CHFR: variants seen among roughly 807,000 people sequenced by gnomAD.
CHFR encodes the protein E3 ubiquitin-protein ligase CHFR.
Under a neutral mutation model 87.6 loss-of-function variants are expected in CHFR, and 57 were observed. The ratio of observed to expected loss-of-function variants is 0.65; its 90% CI spans 0.53 to 0.81. The LOEUF (loss-of-function observed/expected upper bound fraction) is 0.81. CHFR is among the 30% of genes least tolerant of loss of function. The pLI is 0.00. For missense variants in CHFR, 797 were observed against 865.8 expected (o/e 0.92, Z 1.00); for synonymous variants, 381 against 359.2 (o/e 1.06, Z -0.69).
chr12:132,857,838 CTT>C lies in CHFR; in HGVS notation c.912-281_912-280del, dbSNP rs1384634686. Among the ~76,000 whole-genome samples, 7 of 152,334 alleles carry C rather than the reference CTT, an allele frequency of 4.6e-5. No homozygotes were observed. In the South Asian group the frequency reaches 8.3e-4, roughly 18 times the overall value. On this transcript the variant is annotated intron_variant, in intron 8 of 17. Coordinates refer to ENST00000450056, the MANE Select transcript of CHFR (RefSeq NM_001161346.2). ...GCCCAGAAGTTGGAAGGTTGTCACT[CTT>C]GAGTTCCCGCGGAAAAGCAAGGAGG...
chr12:132,844,065 T>G lies in CHFR; in HGVS notation c.1805A>C (p.Tyr602Ser). ...CGLRSFRELTYQYRQNIPASE... is the reference protein window; with the variant it reads ...CGLRSFRELTSQYRQNIPASE... ...AGCAGGAATGTTCTGCCGATACTGA[T>G]AGGTCAGCTCACGGAAGCTGCGCAG... The change falls in exon 16 of 18, where the codon TAT becomes TCT. Residue 602 changes from tyrosine (Y) to serine (S), a missense_variant. Tyr to Ser is a moderately radical substitution (Grantham distance 144). Around this residue, in one of 2 missense-constraint regions of CHFR, gnomAD observed 200 missense variants for 264.6 expected, o/e 0.76. Transcript: ENST00000450056. The G allele has an allele frequency of 6.2e-7, 1 of 1,613,726 alleles. No homozygotes were observed. Among genetic ancestry groups the G allele is most frequent in the South Asian group, 1.1e-5 (1 of 91,078 alleles).
At position 132,837,280 on chromosome 12, in the gene CHFR, TG is replaced by T. The variant is rs1276408568; in HGVS notation, c.*4273del. The T allele has an allele frequency of 1.1e-5, 2 of 181,890 alleles. No homozygotes were observed. Among genetic ancestry groups the T allele is most frequent in the African/African-American group, 4.8e-5 (2 of 41,722 alleles). The allele number at this position is 181,890 out of a possible 1,614,324, so 11.3% of individuals were successfully genotyped here. On this transcript the variant is annotated 3_prime_UTR_variant, in exon 18 of 18. Transcript: ENST00000450056. ...GGCTTAAACAACTACTTATTTCTCATGATTATATGCTGGCTGCCTGGTGCAG... is the reference window on the plus strand; with the variant it reads ...GGCTTAAACAACTACTTATTTCTCATATTATATGCTGGCTGCCTGGTGCAG...
Position 132,832,757 on chromosome 12 carries a change from T to C in CHFR, c.*8797A>G, listed in dbSNP as rs1023020140. 1 of 152,214 alleles carries C rather than the reference T, an allele frequency of 6.6e-6. No individual in the cohort carries two copies. Among genetic ancestry groups the C allele is most frequent in the African/African-American group, 2.4e-5 (1 of 41,456 alleles). The allele number at this position is 152,214 out of a possible 1,614,324, so 9.4% of individuals were successfully genotyped here. On this transcript the variant is annotated 3_prime_UTR_variant, in exon 18 of 18. Transcript: ENST00000450056. Reference sequence around the variant, plus strand: ...AATCTAAGTAAAATTCTTAACAGCTTTAATACAATTTCTATGCAATAAAAT... The same window carrying C: ...AATCTAAGTAAAATTCTTAACAGCTCTAATACAATTTCTATGCAATAAAAT...
intron 17 of CHFR, among the ~76,000 whole-genome samples, chr12:132,842,423 A>ATC (rs1167778166): frequency 2.6e-5 from 4 of 152,226 alleles, no homozygotes; most frequent in Admixed American, 6.5e-5. Flanking sequence ...AATCCCTGTG[A>ATC]GGGAGGCGCC....
intron 2 of CHFR, among the ~76,000 whole-genome samples, chr12:132,884,834 C>T (rs1383381975): frequency 6.6e-6 from 1 of 152,154 alleles, no homozygotes; most frequent in Non-Finnish European, 1.5e-5. Flanking sequence ...CACCTGTAAT[C>T]CTAGCACTTT....
chr12:132,862,257 A>T, intron 6 of CHFR: 1 of 247,178 alleles, frequency 4.0e-6, no homozygotes, highest in South Asian at 3.6e-5. Context: ...CCTGGGCAAC[A>T]AGAGCGAAAC....
At chr12:132,845,253 A>C (rs1950793127) in intron 15 of CHFR, among the ~76,000 whole-genome samples, 1 of 151,934 alleles carries the variant, frequency 6.6e-6, no homozygotes, top group Non-Finnish European at 1.5e-5. Context: ...CAGGAGTTCG[A>C]GACCAGCCTA....
At chr12:132,850,575 C>T (rs1012737707) in intron 12 of CHFR, among the ~76,000 whole-genome samples, 3 of 152,204 alleles carry the variant, frequency 2.0e-5, no homozygotes, top group East Asian at 1.9e-4. Flanking sequence ...GTGTGTCCCA[C>T]GGCCATGTGT....
intron 16 of CHFR, 66 bp from the exon 17 acceptor site, chr12:132,843,149 C>G: frequency 6.9e-7 from 1 of 1,445,396 alleles, no homozygotes; most frequent in Non-Finnish European, 9.6e-7. Context: ...CTACCTGAAT[C>G]CCAGCAGAGA....
At chr12:132,857,296 C>G in intron 9 of CHFR, 109 bp downstream of exon 9, 1 of 1,134,478 alleles carries the variant, frequency 8.8e-7, no homozygotes, top group South Asian at 1.5e-5. Context: ...GGTGGAGGGA[C>G]AGCCCTCACG....
rs142165233 is a variant in CHFR at position 132,877,657 on chromosome 12, A to T, written c.134-3T>A. The T allele has an allele frequency of 1.9e-6, 3 of 1,603,856 alleles. No individual in the cohort carries two copies. In the African/African-American group the frequency reaches 4.0e-5, roughly 21 times the overall value. On this transcript the variant is annotated splice_polypyrimidine_tract_variant and splice_region_variant and intron_variant, in intron 2 of 17. Transcript: ENST00000450056. ...GCTGGGGAAGGAAAGGTCGCAACCT[A>T]AAAAAGAGAGGGTGGGTCAACACGG... is the stretch of plus-strand genomic sequence containing the variant.
At chr12:132,850,381 G>A (rs763318128) in intron 12 of CHFR, among the ~76,000 whole-genome samples, 16 of 152,164 alleles carry the variant, frequency 1.1e-4, no homozygotes, top group Non-Finnish European at 2.2e-4. Flanking sequence ...TGTGAAATTA[G>A]AGTGAAGAGT....
intron 3 of CHFR, among the ~76,000 whole-genome samples, chr12:132,877,105 G>GT (rs986865342): frequency 3.3e-5 from 5 of 151,938 alleles, no homozygotes; most frequent in Non-Finnish European, 5.9e-5. Context: ...TGATAATAAT[G>GT]TTTTTTTCAA....
In CHFR at chr12:132,860,855, C is replaced by T. The variant is rs540234135; in HGVS notation, c.751+612G>A. Among the ~76,000 whole-genome samples, 3 of 152,304 alleles carry T rather than the reference C, an allele frequency of 2.0e-5. No individual in the cohort carries two copies. In the East Asian group the frequency reaches 5.8e-4, roughly 29 times the overall value. On this transcript the variant is annotated intron_variant, in intron 7 of 17. Coordinates refer to ENST00000450056, the MANE Select transcript of CHFR (RefSeq NM_001161346.2). Reference sequence around the variant, plus strand: ...GCAACCTCCACCTGCCGGGTTCAAGCAATTCTCCTGCCTCAGCCTTCCAAG... The same window carrying T: ...GCAACCTCCACCTGCCGGGTTCAAGTAATTCTCCTGCCTCAGCCTTCCAAG...
Position 132,839,038 on chromosome 12 carries a change from G to A in CHFR, c.*2516C>T, listed in dbSNP as rs1427150820. ...AGTTGGACTTCTCTGAAGGACTAAG[G>A]AAGCAGGAGTGAGTCCCTAGGACAC... On this transcript the variant is annotated 3_prime_UTR_variant, in exon 18 of 18. Coordinates refer to ENST00000450056, the MANE Select transcript of CHFR (RefSeq NM_001161346.2). 1.3e-5 allele frequency: 2 copies of A among 152,330 alleles called. No individual in the cohort carries two copies. The highest frequency in any genetic ancestry group is 1.9e-4 in the East Asian group (1 of 5,192). The allele number at this position is 152,330 out of a possible 1,614,324, so 9.4% of individuals were successfully genotyped here. A position where few individuals can be genotyped will look rare whatever the true frequency, so the allele number is the denominator to read the frequency against.
chr12:132,869,828 T>C lies in CHFR; in HGVS notation c.404-30A>G, dbSNP rs1287311542. ...GGTCCCATGGAACACATTTTCCTTG[T>C]TAGCTTCTGTAACCCAAAAGGAGCA... On this transcript the variant is annotated intron_variant, in intron 5 of 17. Coordinates refer to ENST00000450056, the MANE Select transcript of CHFR (RefSeq NM_001161346.2). 2.6e-6 allele frequency: 4 copies of C among 1,550,868 alleles called. No homozygotes were observed. The South Asian group carries it at 4.8e-5, about 18-fold the overall frequency.
Position 132,841,300 on chromosome 12 carries a change from G to A in CHFR, c.*254C>T, listed in dbSNP as rs987116079. The A allele has an allele frequency of 4.8e-5, 20 of 420,114 alleles. No homozygotes were observed. Among genetic ancestry groups the A allele is most frequent in the African/African-American group, 2.2e-4 (11 of 49,080 alleles). The allele number at this position is 420,114 out of a possible 1,614,324, so 26.0% of individuals were successfully genotyped here. On this transcript the variant is annotated 3_prime_UTR_variant, in exon 18 of 18. Transcript: ENST00000450056. ...CGGCCGCATGTTACAGAAAGGCTTC[G>A]TCTCTGCTGCTGATGCCACCACGAG...
At chr12:132,872,471 G>C in intron 3 of CHFR, 77 bp from the exon 4 acceptor site, 1 of 980,116 alleles carries the variant, frequency 1.0e-6, no homozygotes, top group Non-Finnish European at 1.6e-6. Flanking sequence ...AGCACCATTA[G>C]CAAGCAGCTC....
intron 2 of CHFR, among the ~76,000 whole-genome samples, chr12:132,880,922 G>A (rs12830114): frequency 0.27 from 41,386 of 151,950 alleles, 5,938 homozygotes; most frequent in Middle Eastern, 0.43. Flanking sequence ...CCGAGATCAC[G>A]CCACTGCACT....
Sources: gnomAD v4.1 joint callset for allele counts (sites outside exome capture counted in the v4.1 genomes callset) on GRCh38, gnomAD v4.1.1 for gene constraint, gnomAD v4.1.1 regional missense constraint, MANE v1.5 for transcripts, NCBI Gene and HGNC (gene_info 2026-07-23, HGNC 2026-07-21) for gene names.